Variants in NALCN observed in about 807,000 individuals in gnomAD.
NALCN encodes the protein sodium leak channel NALCN.
A neutral mutation model predicts 225.3 loss-of-function variants in NALCN; 111 were observed. The ratio of observed to expected loss-of-function variants is 0.49; its 90% CI spans 0.42 to 0.58. The LOEUF (loss-of-function observed/expected upper bound fraction) is 0.58, where lower values mean the gene tolerates loss of function less well. Among genes scored for constraint, NALCN ranks in the 20% least tolerant of loss-of-function variants. The pLI is 0.00. For synonymous variants in NALCN, 764 were observed against 769.0 expected (o/e 0.99, Z 0.11); for missense variants, 1,378 against 2,202.4 (o/e 0.63, Z 7.49).
At chr13:101,341,733 G>A (rs2045565171) in intron 7 of NALCN, among the ~76,000 whole-genome samples, 1 of 152,124 alleles carries the variant, frequency 6.6e-6, no homozygotes. Context: ...GGAGGAACAG[G>A]GTAATGTTCT....
chr13:101,412,048 G>A (rs1442301928), intron 1 of NALCN, among the ~76,000 whole-genome samples: 3 of 152,082 alleles, frequency 2.0e-5, no homozygotes, highest in Non-Finnish European at 4.4e-5. Flanking sequence ...CACAATGATG[G>A]TGAAATATTT....
chr13:101,150,885 T>G (rs2037613622), intron 15 of NALCN, among the ~76,000 whole-genome samples: 1 of 151,948 alleles, frequency 6.6e-6, no homozygotes, highest in Non-Finnish European at 1.5e-5. Flanking sequence ...AAGAACACAG[T>G]GTAGAGAATC....
chr13:101,309,706 CTT>C (rs1411985728), intron 7 of NALCN, among the ~76,000 whole-genome samples: 28 of 152,170 alleles, frequency 1.8e-4, no homozygotes, highest in Non-Finnish European at 2.9e-5. Context: ...CCATTGTTGA[CTT>C]TGTATTCTTG....
At position 101,324,956 on chromosome 13, in the gene NALCN, A is replaced by T. The variant is rs569819762; in HGVS notation, c.799+20310T>A. On this transcript the variant is annotated intron_variant, in intron 7 of 43. Coordinates refer to ENST00000251127, the MANE Select transcript of NALCN (RefSeq NM_052867.4). ...TTATTTTGAGATACGTCCCATCAAT[A>T]CTTAATTTATTGAGAGTTTTTAGCA... is the stretch of plus-strand genomic sequence containing the variant. Among the ~76,000 whole-genome samples, 10 of 152,258 alleles carry T rather than the reference A, an allele frequency of 6.6e-5. No individual in the cohort carries two copies. In the South Asian group the frequency reaches 2.1e-3, roughly 32 times the overall value.
intron 3 of NALCN, 127 bp from the exon 4 acceptor site, chr13:101,378,780 C>G (rs1355482249): frequency 3.1e-6 from 2 of 637,480 alleles, no homozygotes; most frequent in Non-Finnish European, 5.1e-6. Context: ...ATAGAACAGA[C>G]TTTCACAAGG....
At chr13:101,281,441 A>T (rs2043165775) in intron 10 of NALCN, among the ~76,000 whole-genome samples, 1 of 152,196 alleles carries the variant, frequency 6.6e-6, no homozygotes, top group Non-Finnish European at 1.5e-5. Flanking sequence ...TGTCAATAAA[A>T]GTGCTTTTTA....
chr13:101,059,600 CTT>C lies in NALCN; in HGVS notation c.4905+216_4905+217del, dbSNP rs143613305. Among the ~76,000 whole-genome samples the C allele has an allele frequency of 8.2e-3, 1,235 of 150,522 alleles. 17 individuals carry two copies. The highest frequency in any genetic ancestry group is 0.027 in the African/African-American group (1,118 of 40,978). ...TTTTGGCATTCATATGAGTCAGACTCTTTTTAAATAACCTCAACTGCATCCAA... is the reference window on the plus strand; with the variant it reads ...TTTTGGCATTCATATGAGTCAGACTCTTTAAATAACCTCAACTGCATCCAA... On this transcript the variant is annotated intron_variant, in intron 42 of 43. Coordinates refer to ENST00000251127, the MANE Select transcript of NALCN (RefSeq NM_052867.4).
At chr13:101,149,524 A>G (rs993409023) in intron 15 of NALCN, among the ~76,000 whole-genome samples, 3 of 152,228 alleles carry the variant, frequency 2.0e-5, no homozygotes, top group African/African-American at 7.2e-5. Flanking sequence ...CTTCTATAGT[A>G]CATTCTAGGG....
chr13:101,067,200 G>C (rs1042399929), intron 39 of NALCN, among the ~76,000 whole-genome samples: 2 of 148,002 alleles, frequency 1.4e-5, no homozygotes, highest in African/African-American at 5.0e-5. Flanking sequence ...AGGAGGTGGG[G>C]GAGGAGAAGG....
chr13:101,197,418 A>AT (rs2039937432), intron 13 of NALCN, among the ~76,000 whole-genome samples: 2 of 151,806 alleles, frequency 1.3e-5, no homozygotes, highest in Non-Finnish European at 2.9e-5. Context: ...TGCTGGTATA[A>AT]TTTTCTCAGG....
chr13:101,277,350 T>C (rs1428824050), intron 10 of NALCN, among the ~76,000 whole-genome samples: 1 of 152,082 alleles, frequency 6.6e-6, no homozygotes, highest in Non-Finnish European at 1.5e-5. Context: ...TTATGCTGAG[T>C]TATGATTTTA....
chr13:101,374,731 C>A (rs2046639861), intron 6 of NALCN, among the ~76,000 whole-genome samples: 1 of 152,148 alleles, frequency 6.6e-6, no homozygotes, highest in African/African-American at 2.4e-5. Flanking sequence ...TTACTGAATA[C>A]ATTCATATTT....
chr13:101,074,797 G>T, intron 35 of NALCN, 135 bp from the exon 36 acceptor site: 1 of 1,047,208 alleles, frequency 9.5e-7, no homozygotes, highest in East Asian at 2.6e-5. Flanking sequence ...TCTTTAAGCA[G>T]ATTGGCTCAA....
chr13:101,363,144 G>C (rs1594744418), intron 6 of NALCN, among the ~76,000 whole-genome samples: 1 of 152,196 alleles, frequency 6.6e-6, no homozygotes, highest in East Asian at 1.9e-4. Context: ...AATCAATATT[G>C]TTAAAATGTC....
At chr13:101,298,524 G>A (rs1482946934) in intron 7 of NALCN, among the ~76,000 whole-genome samples, 2 of 152,174 alleles carry the variant, frequency 1.3e-5, no homozygotes, top group Non-Finnish European at 2.9e-5. Context: ...GTTTCGTCAT[G>A]TTGGCCAGGC....
At chr13:101,221,082 T>C (rs776856770) in intron 13 of NALCN, among the ~76,000 whole-genome samples, 5 of 152,108 alleles carry the variant, frequency 3.3e-5, no homozygotes, top group Non-Finnish European at 7.4e-5. Context: ...TTTTTAAAAA[T>C]AGAGGCCCAC....
At chr13:101,383,666 A>G (rs901498170) in intron 3 of NALCN, among the ~76,000 whole-genome samples, 6 of 152,270 alleles carry the variant, frequency 3.9e-5, no homozygotes, top group African/African-American at 1.4e-4. Flanking sequence ...GAATGCATCC[A>G]TCCATCCATC....
intron 10 of NALCN, among the ~76,000 whole-genome samples, chr13:101,259,548 A>C (rs762443873): frequency 1.7e-4 from 25 of 151,178 alleles, no homozygotes; most frequent in Non-Finnish European, 7.4e-5. Context: ...GTTAGCCAGG[A>C]TGGTCTCGAT....
chr13:101,084,227 T>C (rs544541447), intron 30 of NALCN, among the ~76,000 whole-genome samples: 1 of 152,222 alleles, frequency 6.6e-6, no homozygotes, highest in African/African-American at 2.4e-5. Flanking sequence ...ATGTCTAATA[T>C]GTGCAATTGC....
Sources: gnomAD v4.1 joint callset for allele counts (sites outside exome capture counted in the v4.1 genomes callset) on GRCh38, gnomAD v4.1.1 for gene constraint, MANE v1.5 for transcripts, NCBI Gene and HGNC (gene_info 2026-07-23, HGNC 2026-07-21) for gene names.